Variants in KIF13A observed in about 807,000 individuals in gnomAD.
KIF13A encodes kinesin-like protein KIF13A.
KIF13A carries 79 observed loss-of-function variants against 212.2 expected under a neutral mutation model. The ratio of observed to expected loss-of-function variants is 0.37; its 90% CI spans 0.31 to 0.45. The LOEUF (loss-of-function observed/expected upper bound fraction) is 0.45. Ranked by LOEUF, KIF13A falls within the 20% of genes least tolerant of loss-of-function variation. KIF13A has a pLI of 1.00. For missense variants in KIF13A, 1,901 were observed against 2,209.0 expected, an observed-to-expected ratio of 0.86 and a Z score of 2.79; for synonymous variants, 789 against 808.6, an observed-to-expected ratio of 0.98 and a Z score of 0.41.
intron 2 of KIF13A, among the ~76,000 whole-genome samples, chr6:17,928,872 CT>C: frequency 6.6e-6 from 1 of 151,780 alleles, no homozygotes; most frequent in Non-Finnish European, 1.5e-5. Flanking sequence ...TAAACCTGAA[CT>C]TAGAAAGAAA....
rs1211386779 is a variant in KIF13A, at chr6:17,895,405, T to C, written c.159+2763A>G. 6.6e-6 allele frequency among the ~76,000 whole-genome samples: 1 copy of C among 152,256 alleles called. No homozygotes were observed. Among genetic ancestry groups the C allele is most frequent in the Non-Finnish European group, 1.5e-5 (1 of 68,042 alleles). On this transcript the variant is annotated intron_variant, in intron 3 of 38. Coordinates refer to ENST00000259711, the MANE Select transcript of KIF13A (RefSeq NM_022113.6). The surrounding 1 kb of genome is among the most constrained non-coding windows in gnomAD (Gnocchi z 4.4). Reference sequence around the variant, plus strand: ...AAAGACTTAGGATTTCATTTACTTCTGCCAGGTGCCTATGGGCACCTGCAT... The same window carrying C: ...AAAGACTTAGGATTTCATTTACTTCCGCCAGGTGCCTATGGGCACCTGCAT...
chr6:17,869,533 C>T (rs561394602), intron 4 of KIF13A, among the ~76,000 whole-genome samples: 20 of 152,202 alleles, frequency 1.3e-4, no homozygotes, highest in African/African-American at 4.6e-4. Flanking sequence ...GTAACTCACC[C>T]GGCCTTACAC....
chr6:17,904,008 G>T (rs908947666), intron 2 of KIF13A, among the ~76,000 whole-genome samples: 1 of 151,232 alleles, frequency 6.6e-6, no homozygotes, highest in African/African-American at 2.4e-5. Context: ...AAAAAAAAAA[G>T]TAGTTGGGTG....
At position 17,849,709 on chromosome 6, in the gene KIF13A, T is replaced by C. The variant is rs1017422328; in HGVS notation, c.718-220A>G. ...TGTAGCATTTTGTTTTGCAGCTGGGTAGCAAGTACACCCAGCTTTCTGGAA... is the reference window on the plus strand; with the variant it reads ...TGTAGCATTTTGTTTTGCAGCTGGGCAGCAAGTACACCCAGCTTTCTGGAA... On this transcript the variant is annotated intron_variant, in intron 8 of 38. Coordinates refer to ENST00000259711, the MANE Select transcript of KIF13A (RefSeq NM_022113.6). This position sits in a 1 kb window ranked among gnomAD's most constrained non-coding sequence, Gnocchi z 5.7. 1.3e-5 allele frequency among the ~76,000 whole-genome samples: 2 copies of C among 152,184 alleles called. No homozygotes were observed. Among genetic ancestry groups the C allele is most frequent in the African/African-American group, 2.4e-5 (1 of 41,450 alleles).
rs1306227517 is a variant in KIF13A, at chr6:17,984,884, TG to T, written c.146+2169del. ...CTAAAAACCAATGACAGAAATGAAT[TG>T]CAAACATAGCATGAAGCACTGCTGC... On this transcript the variant is annotated intron_variant, in intron 2 of 38. Transcript: ENST00000259711. This position sits in a 1 kb window ranked among gnomAD's most constrained non-coding sequence, Gnocchi z 5.0. Among the ~76,000 whole-genome samples the T allele has an allele frequency of 6.6e-6, 1 of 152,186 alleles. No individual in the cohort carries two copies. Among genetic ancestry groups the T allele is most frequent in the African/African-American group, 2.4e-5 (1 of 41,454 alleles).
At chr6:17,981,422 TTTTC>T (rs1370955790) in intron 2 of KIF13A, among the ~76,000 whole-genome samples, 3 of 150,836 alleles carry the variant, frequency 2.0e-5, no homozygotes, top group African/African-American at 4.9e-5. Context: ...TGTTTTTCTT[TTTTC>T]TTTTTTTTTT....
intron 2 of KIF13A, among the ~76,000 whole-genome samples, chr6:17,930,688 A>C (rs1775913221): frequency 6.6e-6 from 1 of 152,222 alleles, no homozygotes; most frequent in Non-Finnish European, 1.5e-5. Context: ...AAGTTTCCAC[A>C]ATAGACCACA....
In KIF13A at chr6:17,880,627, CAA is replaced by C. The variant is rs34817140; in HGVS notation, c.160-7192_160-7191del. On this transcript the variant is annotated intron_variant, in intron 3 of 38. Coordinates refer to ENST00000259711, the MANE Select transcript of KIF13A (RefSeq NM_022113.6). ...CAGGTGACAGGGCGAGACTCTGTCT[CAA>C]AAAAAAAAAAAAAAAAAAAAAGGTC... Among the ~76,000 whole-genome samples the C allele has an allele frequency of 3.4e-3, 237 of 69,294 alleles. 1 individual carries two copies. Among genetic ancestry groups the C allele is most frequent in the South Asian group, 0.013 (21 of 1,644 alleles). 45.5% of individuals were successfully genotyped at this position (69,294 alleles called of 152,430 possible).
At chr6:17,930,390 C>G (rs940547357) in intron 2 of KIF13A, among the ~76,000 whole-genome samples, 11 of 152,138 alleles carry the variant, frequency 7.2e-5, no homozygotes, top group African/African-American at 2.7e-4. Flanking sequence ...ACAAATTCCT[C>G]AGGTGATAAA....
At chr6:17,882,047 G>A (rs1028591524) in intron 3 of KIF13A, 15 of 456,766 alleles carry the variant, frequency 3.3e-5, no homozygotes, top group Admixed American at 3.1e-4. Context: ...AGAACCAGAA[G>A]GCATCTGTGT....
intron 26 of KIF13A, among the ~76,000 whole-genome samples, chr6:17,788,210 A>G (rs1010378847): frequency 6.6e-6 from 1 of 152,194 alleles, no homozygotes; most frequent in Non-Finnish European, 1.5e-5. Context: ...AGGATTTGTG[A>G]TCCCAAACAG....
chr6:17,817,082 A>G lies in KIF13A; in HGVS notation c.1938T>C (p.Pro646=), dbSNP rs1425190236. ...SPDRQPQSSG[P]DRLAYSSQTA... ...TCTGGCTGCTGTAGGCCAGGCGGTC[A>G]GGGCCGCTACTCTGTGGCTGCCTGT... Residue 646 remains proline (P), a synonymous_variant, in exon 17 of 39, where the codon CCT becomes CCC. Coordinates refer to ENST00000259711, the MANE Select transcript of KIF13A (RefSeq NM_022113.6). 1.2e-6 allele frequency: 2 copies of G among 1,613,648 alleles called. No homozygotes were observed. Among genetic ancestry groups the G allele is most frequent in the East Asian group, 4.5e-5 (2 of 44,886 alleles).
At position 17,934,207 on chromosome 6, in the gene KIF13A, G is replaced by A. The variant is rs1458561547; in HGVS notation, c.147-36027C>T. Reference sequence around the variant, plus strand: ...ACCTCTTTCCATCTCTCACACTACTGTCTAATGGCCACAGGACATTGGCCT... The same window carrying A: ...ACCTCTTTCCATCTCTCACACTACTATCTAATGGCCACAGGACATTGGCCT... On this transcript the variant is annotated intron_variant, in intron 2 of 38. Coordinates refer to ENST00000259711, the MANE Select transcript of KIF13A (RefSeq NM_022113.6). This position sits in a 1 kb window ranked among gnomAD's most constrained non-coding sequence, Gnocchi z 5.4. Among the ~76,000 whole-genome samples, 3 of 152,108 alleles carry A rather than the reference G, an allele frequency of 2.0e-5. No individual in the cohort carries two copies. Among genetic ancestry groups the A allele is most frequent in the Non-Finnish European group, 2.9e-5 (2 of 68,030 alleles).
At position 17,808,918 on chromosome 6, in the gene KIF13A, G is replaced by A; in HGVS notation, c.2013C>T (p.Phe671=). The A allele has an allele frequency of 6.2e-7, 1 of 1,612,102 alleles. No homozygotes were observed. The highest frequency in any genetic ancestry group is 8.5e-7 in the Non-Finnish European group (1 of 1,179,008). The part of the protein sequence containing the change: ...TQWAEERDEL[F]RQSLAKLREQ... ...CTCGCAGTTTTGCCAGGCTTTGTCGGAAGAGTTCATCCCTGCAGTGTCATA... is the reference window on the plus strand; with the variant it reads ...CTCGCAGTTTTGCCAGGCTTTGTCGAAAGAGTTCATCCCTGCAGTGTCATA... The change falls in exon 18 of 39, where the codon TTC becomes TTT. Residue 671 remains phenylalanine, a synonymous_variant. Transcript: ENST00000259711.
In KIF13A at chr6:17,987,191, TCCAGC is replaced by T. The variant is rs757866235; in HGVS notation, c.56-52_56-48del. ...CGTTGCAAAGTCCAGCATCCGCGCCTCCAGCCCGCCCGCCCGCCAGCCGCGCCGAG... is the reference window on the plus strand; with the variant it reads ...CGTTGCAAAGTCCAGCATCCGCGCCTCCGCCCGCCCGCCAGCCGCGCCGAG... On this transcript the variant is annotated intron_variant, in intron 1 of 38. Coordinates refer to ENST00000259711, the MANE Select transcript of KIF13A (RefSeq NM_022113.6). This position sits in a 1 kb window ranked among gnomAD's most constrained non-coding sequence, Gnocchi z 7.7. 6 of 1,446,522 alleles carry T rather than the reference TCCAGC, an allele frequency of 4.1e-6. No homozygotes were observed. The highest frequency in any genetic ancestry group is 4.7e-6 in the Non-Finnish European group (5 of 1,057,596). 89.6% of individuals were successfully genotyped at this position (1,446,522 alleles called of 1,614,324 possible).
intron 3 of KIF13A, among the ~76,000 whole-genome samples, chr6:17,890,752 A>T (rs1045684842): frequency 6.0e-5 from 9 of 150,224 alleles, no homozygotes; most frequent in African/African-American, 2.2e-4. Context: ...TCAGCTTCCC[A>T]GGCAGCTGGG....
intron 2 of KIF13A, among the ~76,000 whole-genome samples, chr6:17,973,756 C>T (rs968500216): frequency 1.1e-4 from 16 of 152,212 alleles, no homozygotes; most frequent in African/African-American, 3.9e-4. Flanking sequence ...ACCCAGACGT[C>T]TCACAGTTCA....
Position 17,843,978 on chromosome 6 carries a change from G to A in KIF13A, c.830+5399C>T, listed in dbSNP as rs1186375612. 1.3e-5 allele frequency among the ~76,000 whole-genome samples: 2 copies of A among 151,512 alleles called. No homozygotes were observed. The highest frequency in any genetic ancestry group is 4.9e-5 in the African/African-American group (2 of 41,142). Reference sequence around the variant, plus strand: ...GAGAATCACTTGAACCCAGGAGATGGAGGTCGCAGTGAGCCGAGATCGTGC... The same window carrying A: ...GAGAATCACTTGAACCCAGGAGATGAAGGTCGCAGTGAGCCGAGATCGTGC... On this transcript the variant is annotated intron_variant, in intron 9 of 38. Transcript: ENST00000259711. This position sits in a 1 kb window ranked among gnomAD's most constrained non-coding sequence, Gnocchi z 5.3.
At chr6:17,802,969 T>C (rs1486356016) in intron 20 of KIF13A, among the ~76,000 whole-genome samples, 2 of 150,716 alleles carry the variant, frequency 1.3e-5, no homozygotes, top group Non-Finnish European at 3.0e-5. Flanking sequence ...AATCTTGCTC[T>C]GTCACCCAGG....
Sources: allele counts gnomAD v4.1 joint callset (sites outside exome capture counted in the v4.1 genomes callset), GRCh38; gene constraint gnomAD v4.1.1; non-coding constraint Gnocchi (gnomAD v3.1); transcripts MANE v1.5; gene names NCBI Gene and HGNC (gene_info 2026-07-23, HGNC 2026-07-21).